Variants in MAGI2 observed in about 807,000 individuals in gnomAD.
MAGI2 encodes membrane-associated guanylate kinase, WW and PDZ domain-containing protein 2.
In MAGI2, 35 loss-of-function variants were observed where a neutral mutation model predicts 133.3. The observed-to-expected ratio is 0.26, with a 90% CI of 0.20 to 0.35. MAGI2 has a LOEUF of 0.35. MAGI2 is among the 10% of genes least tolerant of loss of function. MAGI2 has a pLI of 1.00. For synonymous variants in MAGI2, 729 were observed against 710.6 expected (o/e 1.03, Z -0.41); for missense variants, 1,636 against 1,863.4 (o/e 0.88, Z 2.25).
rs570863035 is a variant in MAGI2 at position 78,542,057 on chromosome 7, C to G, written c.539-20412G>C. Among the ~76,000 whole-genome samples the G allele has an allele frequency of 1.1e-4, 17 of 152,222 alleles. No individual in the cohort carries two copies. In the Middle Eastern group the frequency reaches 0.01, roughly 91 times the overall value. ...CGCATGCAGGTAGCTACAAACAGTC[C>G]ATAAACAAATAAGTGTGGGTGTACA... is the stretch of plus-strand genomic sequence containing the variant. On this transcript the variant is annotated intron_variant, in intron 3 of 21. Coordinates refer to ENST00000354212, the MANE Select transcript of MAGI2 (RefSeq NM_012301.4).
chr7:78,092,778 C>T (rs544275304), intron 20 of MAGI2, among the ~76,000 whole-genome samples: 1 of 104,390 alleles, frequency 9.6e-6, no homozygotes. Context: ...CCACATACAT[C>T]CCTTGGATAA....
At chr7:78,072,322 C>T (rs1052048490) in intron 21 of MAGI2, among the ~76,000 whole-genome samples, 1 of 152,180 alleles carries the variant, frequency 6.6e-6, no homozygotes, top group Admixed American at 6.5e-5. Context: ...ATTAATAAAA[C>T]CCATTTAAAT....
intron 12 of MAGI2, among the ~76,000 whole-genome samples, chr7:78,190,670 A>G (rs2150725029): frequency 6.6e-6 from 1 of 152,312 alleles, no homozygotes; most frequent in Non-Finnish European, 1.5e-5. Context: ...TCACACATAG[A>G]GAAAGAAGGG....
At chr7:79,204,985 T>C (rs188530535) in intron 1 of MAGI2, among the ~76,000 whole-genome samples, 15 of 151,544 alleles carry the variant, frequency 9.9e-5, no homozygotes, top group Non-Finnish European at 1.9e-4. Flanking sequence ...TTATGAAACA[T>C]CATCAAAAGA....
rs1264452710 is a variant in MAGI2, at chr7:78,018,108, C to T, written c.*1207G>A. 1 of 152,082 alleles carries T rather than the reference C, an allele frequency of 6.6e-6. No homozygotes were observed. The highest frequency in any genetic ancestry group is 6.5e-5 in the Admixed American group (1 of 15,270). The allele number at this position is 152,082 out of a possible 1,614,324, so 9.4% of individuals were successfully genotyped here. A position where few individuals can be genotyped will look rare whatever the true frequency, so the allele number is the denominator to read the frequency against. The stretch of plus-strand genomic sequence containing the variant: ...TCAATCATAGATCCATGAAGATAAA[C>T]ATCTAGAAGTTGCTAACAAAATAAA... On this transcript the variant is annotated 3_prime_UTR_variant, in exon 22 of 22. Transcript: ENST00000354212.
chr7:78,520,696 C>A (rs1796421130), intron 4 of MAGI2, among the ~76,000 whole-genome samples: 1 of 151,976 alleles, frequency 6.6e-6, no homozygotes, highest in African/African-American at 2.4e-5. Flanking sequence ...AAATCTATTT[C>A]TGATGCTCTA....
intron 3 of MAGI2, chr7:78,615,081 T>TC (rs1242088023): frequency 1.3e-5 from 2 of 152,200 alleles, no homozygotes; most frequent in African/African-American, 2.4e-5. Flanking sequence ...CTCTCTGTCC[T>TC]CCTTCACTGT....
chr7:79,127,862 G>A lies in MAGI2; in HGVS notation c.302-120656C>T, dbSNP rs369082685. On this transcript the variant is annotated intron_variant, in intron 1 of 21. Coordinates refer to ENST00000354212, the MANE Select transcript of MAGI2 (RefSeq NM_012301.4). ...CCATTGCTTTTGGTGTTTTAGACAC[G>A]AAGTCCTTGCCCATGCCTATGTCCT... 5.9e-5 allele frequency among the ~76,000 whole-genome samples: 9 copies of A among 152,262 alleles called. No homozygotes were observed. The East Asian group carries it at 1.2e-3, about 20-fold the overall frequency.
chr7:78,772,830 G>A, intron 2 of MAGI2, among the ~76,000 whole-genome samples: 1 of 152,120 alleles, frequency 6.6e-6, no homozygotes, highest in South Asian at 2.1e-4. Flanking sequence ...AGTCGGCTTA[G>A]GCAAATTTAG....
Position 78,487,175 on chromosome 7 carries a change from A to G in MAGI2, c.1045+2586T>C, listed in dbSNP as rs763912081. 293 of 38,890 alleles carry G rather than the reference A, an allele frequency of 7.5e-3. 2 individuals are homozygous for G. In the South Asian group the frequency reaches 0.099, roughly 13 times the overall value. 2.4% of individuals were successfully genotyped at this position (38,890 alleles called of 1,614,324 possible). ...AGGAAGTAGCTGCAGCAGGATGGGG[A>G]AAAAAAAAAAAAAAAGCCAAAATAC... On this transcript the variant is annotated intron_variant, in intron 6 of 21. Transcript: ENST00000354212.
chr7:78,071,028 G>T (rs1001846559), intron 21 of MAGI2, among the ~76,000 whole-genome samples: 1 of 152,138 alleles, frequency 6.6e-6, no homozygotes, highest in Non-Finnish European at 1.5e-5. Flanking sequence ...GGACTTGCAG[G>T]TTGTGGGCAG....
intron 2 of MAGI2, among the ~76,000 whole-genome samples, chr7:78,973,861 T>C (rs532773306): frequency 1.3e-5 from 2 of 151,954 alleles, no homozygotes; most frequent in African/African-American, 4.8e-5. Context: ...TCCTCATTTC[T>C]TGGGATCAGC....
At chr7:78,573,033 A>ATG (rs1422217437) in intron 3 of MAGI2, among the ~76,000 whole-genome samples, 1,159 of 48,198 alleles carry the variant, frequency 0.024, 32 homozygotes, top group Non-Finnish European at 0.032. Context: ...ATGCATATGT[A>ATG]TGTATATATA....
chr7:78,616,337 T>A (rs376964923), intron 3 of MAGI2: 1 of 152,178 alleles, frequency 6.6e-6, no homozygotes, highest in African/African-American at 2.4e-5. Flanking sequence ...GAAGCCTTCA[T>A]AATATTTGGG....
At chr7:78,397,835 A>C (rs1796499755) in intron 6 of MAGI2, among the ~76,000 whole-genome samples, 1 of 152,186 alleles carries the variant, frequency 6.6e-6, no homozygotes, top group South Asian at 2.1e-4. Flanking sequence ...ACAAGTTTCT[A>C]AATACTAAGA....
chr7:78,218,478 T>C (rs1788481381), intron 10 of MAGI2, among the ~76,000 whole-genome samples: 1 of 152,242 alleles, frequency 6.6e-6, no homozygotes, highest in African/African-American at 2.4e-5. Context: ...TTAATAATTG[T>C]ATTGTTAACA....
At chr7:78,999,302 C>G (rs1056828250) in intron 2 of MAGI2, among the ~76,000 whole-genome samples, 1 of 151,784 alleles carries the variant, frequency 6.6e-6, no homozygotes, top group African/African-American at 2.4e-5. Context: ...GGTGCTTATT[C>G]CTTTTTTTTT....
chr7:78,662,131 T>G (rs1380401985), intron 2 of MAGI2, among the ~76,000 whole-genome samples: 1 of 152,176 alleles, frequency 6.6e-6, no homozygotes, highest in African/African-American at 2.4e-5. Flanking sequence ...CTTTATTTAT[T>G]TGGGGGACTA....
chr7:78,744,169 C>A (rs1221261728), intron 2 of MAGI2, among the ~76,000 whole-genome samples: 1 of 151,922 alleles, frequency 6.6e-6, no homozygotes, highest in Non-Finnish European at 1.5e-5. Flanking sequence ...GGTCAAAAAA[C>A]CCATTGATAT....
Sources: allele counts gnomAD v4.1 joint callset (sites outside exome capture counted in the v4.1 genomes callset), GRCh38; gene constraint gnomAD v4.1.1; transcripts MANE v1.5; gene names NCBI Gene and HGNC (gene_info 2026-07-23, HGNC 2026-07-21).